The following FOXP2 variants were observed in gnomAD, a reference collection of about 807,000 sequenced individuals.
FOXP2 encodes forkhead box P2.
Under a neutral mutation model 115.8 loss-of-function variants are expected in FOXP2, and 12 were observed. The ratio of observed to expected loss-of-function variants is 0.10; its 90% confidence interval spans 0.07 to 0.17. The LOEUF (loss-of-function observed/expected upper bound fraction) is 0.17, where lower values mean the gene tolerates loss of function less well. Ranked by LOEUF, FOXP2 falls within the 10% of genes least tolerant of loss-of-function variation. The pLI, the probability that FOXP2 is intolerant of heterozygous loss-of-function variation, is 1.00. For missense variants in FOXP2, 629 were observed against 843.5 expected, an observed-to-expected ratio of 0.75 and a Z score of 3.15; for synonymous variants, 328 against 297.7, an observed-to-expected ratio of 1.10 and a Z score of -1.05.
chr7:114,570,370 A>C (rs1055735890), intron 3 of FOXP2, among the ~76,000 whole-genome samples: 11 of 151,850 alleles, frequency 7.2e-5, no homozygotes, highest in Non-Finnish European at 1.5e-4. Context: ...ATTTATGTTC[A>C]TTTGTACTGG....
At chr7:114,191,642 C>T (rs780435859) in intron 1 of FOXP2, among the ~76,000 whole-genome samples, 3 of 152,130 alleles carry the variant, frequency 2.0e-5, no homozygotes, top group Non-Finnish European at 4.4e-5. Context: ...TTTAGGTTTA[C>T]AGAAAAAGTG....
At chr7:114,156,683 A>C (rs1002966977) in intron 1 of FOXP2, among the ~76,000 whole-genome samples, 3 of 152,152 alleles carry the variant, frequency 2.0e-5, no homozygotes, top group African/African-American at 7.2e-5. Context: ...GTCACAGGTC[A>C]TGGTACTCAT....
At chr7:114,678,466 A>G (rs1191948663) in intron 16 of FOXP2, among the ~76,000 whole-genome samples, 1 of 148,466 alleles carries the variant, frequency 6.7e-6, no homozygotes, top group African/African-American at 2.5e-5. Context: ...GCTTAGCAAG[A>G]CCCTCAAGGG....
At chr7:114,528,865 T>C (rs907164654) in intron 2 of FOXP2, among the ~76,000 whole-genome samples, 2 of 151,712 alleles carry the variant, frequency 1.3e-5, no homozygotes, top group African/African-American at 4.8e-5. Context: ...AGCAGAAAGA[T>C]AAATAATCAA....
chr7:114,306,134 A>G (rs1797008939), intron 2 of FOXP2, among the ~76,000 whole-genome samples: 1 of 152,202 alleles, frequency 6.6e-6, no homozygotes, highest in African/African-American at 2.4e-5. Context: ...GTGTTATTAG[A>G]TTAGCCAGAG....
At chr7:114,396,448 A>G (rs982557321) in intron 2 of FOXP2, among the ~76,000 whole-genome samples, 1 of 152,152 alleles carries the variant, frequency 6.6e-6, no homozygotes, top group East Asian at 1.9e-4. Context: ...CAGTGCTGCA[A>G]TAAACATAGG....
At chr7:114,346,001 C>T (rs892049291) in intron 2 of FOXP2, among the ~76,000 whole-genome samples, 1 of 151,688 alleles carries the variant, frequency 6.6e-6, no homozygotes. Flanking sequence ...TTTTCACAAA[C>T]AGCAATTTAC....
chr7:114,344,988 A>T (rs903712666), intron 2 of FOXP2, among the ~76,000 whole-genome samples: 3 of 151,158 alleles, frequency 2.0e-5, no homozygotes, highest in Non-Finnish European at 4.4e-5. Context: ...AAAGAATTGT[A>T]TAAATGGAAA....
At chr7:114,102,788 A>T (rs959112270) in intron 1 of FOXP2, among the ~76,000 whole-genome samples, 2 of 151,634 alleles carry the variant, frequency 1.3e-5, no homozygotes, top group African/African-American at 4.8e-5. Context: ...TGTCTCTAAA[A>T]TCCATGCCAC....
chr7:114,358,275 T>C (rs191196581), intron 2 of FOXP2, among the ~76,000 whole-genome samples: 1 of 152,320 alleles, frequency 6.6e-6, no homozygotes, highest in East Asian at 1.9e-4. Flanking sequence ...TCCCCAGCCA[T>C]GTGGAACTGT....
At chr7:114,297,263 G>A (rs1796763207) in intron 2 of FOXP2, 4 of 489,492 alleles carry the variant, frequency 8.2e-6, no homozygotes, top group Non-Finnish European at 1.6e-5. Context: ...TCCATGGCGC[G>A]CAGCTCCTAT....
At chr7:114,587,559 T>C (rs934198981) in intron 3 of FOXP2, among the ~76,000 whole-genome samples, 6 of 152,144 alleles carry the variant, frequency 3.9e-5, no homozygotes, top group African/African-American at 1.4e-4. Context: ...TTAACTCATT[T>C]TAAAATTCTG....
intron 3 of FOXP2, chr7:114,570,832 G>T: frequency 6.2e-7 from 1 of 1,611,848 alleles, no homozygotes; most frequent in Non-Finnish European, 8.5e-7. Context: ...ACAAAATTAT[G>T]TATCTGTGGC....
intron 1 of FOXP2, among the ~76,000 whole-genome samples, chr7:114,210,475 A>C (rs532041053): frequency 2.8e-4 from 42 of 152,264 alleles, no homozygotes; most frequent in Admixed American, 2.5e-3. Flanking sequence ...AGGTATTACC[A>C]GTGATGGCTG....
At chr7:114,269,997 G>A (rs778092236) in intron 1 of FOXP2, among the ~76,000 whole-genome samples, 2 of 151,860 alleles carry the variant, frequency 1.3e-5, no homozygotes, top group Non-Finnish European at 2.9e-5. Context: ...AGAAATTCTC[G>A]GCCTCAGGAT....
chr7:114,477,700 A>G (rs1392630477), intron 2 of FOXP2, among the ~76,000 whole-genome samples: 2 of 151,962 alleles, frequency 1.3e-5, no homozygotes, highest in Non-Finnish European at 2.9e-5. Context: ...ATATATATGA[A>G]AAAGAATGTA....
intron 2 of FOXP2, among the ~76,000 whole-genome samples, chr7:114,318,519 T>C (rs1797330855): frequency 6.6e-6 from 1 of 151,854 alleles, no homozygotes; most frequent in Non-Finnish European, 1.5e-5. Context: ...CACACTAATG[T>C]ACATATATTT....
At chr7:114,159,444 C>A (rs185774138), upstream of FOXP2, among the ~76,000 whole-genome samples, 195 of 150,942 alleles carry the variant, frequency 1.3e-3, 2 homozygotes, top group African/African-American at 4.5e-3. Context: ...CTCTTTCATT[C>A]TAATTCCAAC....
chr7:114,463,673 C>A (rs1195048204), intron 2 of FOXP2, among the ~76,000 whole-genome samples: 1 of 152,092 alleles, frequency 6.6e-6, no homozygotes, highest in African/African-American at 2.4e-5. Context: ...AAATGCAAAT[C>A]AACATATTTA....
Sources: allele counts gnomAD v4.1 joint callset (sites outside exome capture counted in the v4.1 genomes callset), GRCh38; gene constraint gnomAD v4.1.1; transcripts MANE v1.5; gene names NCBI Gene and HGNC (gene_info 2026-07-23, HGNC 2026-07-21).